KLF12: variants seen among roughly 807,000 people sequenced by gnomAD.
KLF12 encodes the protein Krueppel-like factor 12.
In KLF12, 9 loss-of-function variants were observed where a neutral mutation model predicts 37.8. The observed-to-expected ratio is 0.24, with a 90% CI of 0.14 to 0.42. KLF12 has a LOEUF of 0.42. Ranked by LOEUF, KLF12 falls within the 10% of genes least tolerant of loss-of-function variation. KLF12 has a pLI of 1.00. For synonymous variants in KLF12, 208 were observed against 202.1 expected, an observed-to-expected ratio of 1.03 and a Z score of -0.25; for missense variants, 411 against 516.0, an observed-to-expected ratio of 0.80 and a Z score of 1.97.
At chr13:74,020,747 C>T (rs1161385639) in intron 1 of KLF12, among the ~76,000 whole-genome samples, 1 of 152,036 alleles carries the variant, frequency 6.6e-6, no homozygotes, top group African/African-American at 2.4e-5. Context: ...AAAAATTAGC[C>T]AGGCATGATG....
chr13:73,734,543 T>A (rs1361154140), intron 6 of KLF12, among the ~76,000 whole-genome samples: 1 of 152,126 alleles, frequency 6.6e-6, no homozygotes, highest in Non-Finnish European at 1.5e-5. Flanking sequence ...TACTTATTTT[T>A]ATAACTTTCA....
chr13:73,722,490 T>A (rs966101511), intron 6 of KLF12, among the ~76,000 whole-genome samples: 1 of 152,190 alleles, frequency 6.6e-6, no homozygotes, highest in African/African-American at 2.4e-5. Context: ...TTAGATACAT[T>A]TACTACCAAA....
At chr13:73,859,942 T>C (rs1368150887) in intron 3 of KLF12, among the ~76,000 whole-genome samples, 2 of 152,204 alleles carry the variant, frequency 1.3e-5, no homozygotes, top group Admixed American at 6.5e-5. Context: ...TAAAGACTCA[T>C]AACTTTTTTT....
intron 2 of KLF12, among the ~76,000 whole-genome samples, chr13:73,951,194 T>C (rs1274211113): frequency 1.3e-5 from 2 of 152,256 alleles, no homozygotes; most frequent in African/African-American, 4.8e-5. Context: ...TTGTTTCATG[T>C]GCTTTACATT....
At chr13:73,850,336 A>G (rs1210360944) in intron 3 of KLF12, among the ~76,000 whole-genome samples, 1 of 152,170 alleles carries the variant, frequency 6.6e-6, no homozygotes, top group Non-Finnish European at 1.5e-5. Flanking sequence ...TCCTGAATAA[A>G]CATCTTAAAA....
At chr13:74,156,136 C>G in the KLF12 span, among the ~76,000 whole-genome samples, 2 of 152,218 alleles carry the variant, frequency 1.3e-5, no homozygotes, top group African/African-American at 4.8e-5. Context: ...AAAGTTACAT[C>G]TTGGGAAGCT....
intron 1 of KLF12, among the ~76,000 whole-genome samples, chr13:74,102,025 C>T (rs963101826): frequency 2.0e-5 from 3 of 151,596 alleles, no homozygotes; most frequent in Non-Finnish European, 2.9e-5. Flanking sequence ...CGGGACCAGC[C>T]TGGCCAAGAT....
intron 1 of KLF12, among the ~76,000 whole-genome samples, chr13:74,088,801 T>C (rs1485625683): frequency 6.6e-6 from 1 of 152,216 alleles, no homozygotes; most frequent in Non-Finnish European, 1.5e-5. Flanking sequence ...GCTTTCATGA[T>C]GACCAGATAG....
intron 3 of KLF12, among the ~76,000 whole-genome samples, chr13:73,926,418 T>A (rs919563093): frequency 1.3e-5 from 2 of 152,184 alleles, no homozygotes; most frequent in African/African-American, 2.4e-5. Context: ...GGTATATACA[T>A]TGTTTTTAGA....
intron 6 of KLF12, among the ~76,000 whole-genome samples, chr13:73,731,011 G>A (rs1594019051): frequency 6.6e-6 from 1 of 152,132 alleles, no homozygotes; most frequent in South Asian, 2.1e-4. Context: ...GGTGATTAAA[G>A]TCAAGGCCTT....
intron 5 of KLF12, among the ~76,000 whole-genome samples, chr13:73,787,901 C>G (rs900475610): frequency 6.6e-6 from 1 of 151,772 alleles, no homozygotes; most frequent in Non-Finnish European, 1.5e-5. Flanking sequence ...GTAGAAATAA[C>G]CAAATCTAAA....
At chr13:74,192,104 GA>G in the KLF12 span, among the ~76,000 whole-genome samples, 1 of 151,974 alleles carries the variant, frequency 6.6e-6, no homozygotes, top group Non-Finnish European at 1.5e-5. Context: ...AGCTCTTTGA[GA>G]AATGTGTGCT....
Position 73,845,869 on chromosome 13 carries a change from T to A in KLF12, c.628A>T (p.Ile210Phe). 6.2e-7 allele frequency: 1 copy of A among 1,614,148 alleles called. No individual in the cohort carries two copies. Among genetic ancestry groups the A allele is most frequent in the East Asian group, 2.2e-5 (1 of 44,882 alleles). ...CCATCCTCCAAAAGCGGCACGACAA[T>A]AGTGTTGTTCACATTTCCAGGTGAC... The change falls in exon 4 of 8, where the codon ATT becomes TTT. Residue 210 changes from isoleucine to phenylalanine, a missense_variant. Transcript: ENST00000377669.
chr13:74,141,857 C>T, the KLF12 span, among the ~76,000 whole-genome samples: 1 of 152,122 alleles, frequency 6.6e-6, no homozygotes, highest in African/African-American at 2.4e-5. Context: ...TTGGAACAAC[C>T]AACTGGCAGT....
At chr13:73,856,453 TA>T (rs1885615258) in intron 3 of KLF12, among the ~76,000 whole-genome samples, 1 of 152,128 alleles carries the variant, frequency 6.6e-6, no homozygotes, top group South Asian at 2.1e-4. Flanking sequence ...TCAAAAGTCT[TA>T]AAATACCTTA....
intron 2 of KLF12, among the ~76,000 whole-genome samples, chr13:73,958,093 T>C (rs1025882071): frequency 1.4e-4 from 22 of 152,230 alleles, no homozygotes; most frequent in African/African-American, 5.3e-4. Context: ...ACTGAGCAGC[T>C]GAGACATGAC....
intron 6 of KLF12, among the ~76,000 whole-genome samples, chr13:73,718,996 A>G (rs1394026013): frequency 6.6e-6 from 1 of 152,234 alleles, no homozygotes; most frequent in African/African-American, 2.4e-5. Flanking sequence ...CGCAATGAAT[A>G]GTTGTACCCA....
the KLF12 span, among the ~76,000 whole-genome samples, chr13:74,195,873 C>A: frequency 6.6e-5 from 10 of 152,196 alleles, no homozygotes; most frequent in Middle Eastern, 3.4e-3. Context: ...TGTGAGCTAC[C>A]GCACCTGGCA....
intron 1 of KLF12, among the ~76,000 whole-genome samples, chr13:74,091,021 G>T (rs895266879): frequency 6.6e-6 from 1 of 151,670 alleles, no homozygotes; most frequent in African/African-American, 2.4e-5. Flanking sequence ...TGTGGTTTTA[G>T]CATAAGGATG....
Sources: allele counts gnomAD v4.1 joint callset (sites outside exome capture counted in the v4.1 genomes callset), GRCh38; gene constraint gnomAD v4.1.1; transcripts MANE v1.5; gene names NCBI Gene and HGNC (gene_info 2026-07-23, HGNC 2026-07-21).